C4orf50: variants seen among roughly 807,000 people sequenced by gnomAD.
C4orf50 encodes uncharacterized protein C4orf50.
In C4orf50, 80 loss-of-function variants were observed where a neutral mutation model predicts 77.2. The observed-to-expected ratio is 1.04, with a 90% CI of 0.87 to 1.25. The LOEUF is 1.25. Among genes scored for constraint, C4orf50 ranks in the 50% most tolerant of loss-of-function variants. The pLI, the probability that C4orf50 is intolerant of heterozygous loss-of-function variation, is 0.00. For synonymous variants in C4orf50, 532 were observed against 465.3 expected, an observed-to-expected ratio of 1.14 and a Z score of -1.84; for missense variants, 1,257 against 1,152.9, an observed-to-expected ratio of 1.09 and a Z score of -1.31.
chr4:5,931,183 G>A (rs975338257), intron 7 of C4orf50, among the ~76,000 whole-genome samples: 11 of 152,178 alleles, frequency 7.2e-5, no homozygotes, highest in African/African-American at 2.7e-4. Flanking sequence ...CCTGCAAAGA[G>A]TCCCTGCAGA....
intron 25 of C4orf50, among the ~76,000 whole-genome samples, chr4:6,001,103 C>G (rs7657266): frequency 1.3e-5 from 2 of 152,056 alleles, no homozygotes; most frequent in Admixed American, 6.5e-5. Context: ...TTTTCAAGGG[C>G]CATGGTTTTA....
At chr4:5,942,905 A>C (rs1718323970) in intron 7 of C4orf50, among the ~76,000 whole-genome samples, 1 of 152,202 alleles carries the variant, frequency 6.6e-6, no homozygotes, top group African/African-American at 2.4e-5. Context: ...GAAAATGAAC[A>C]TCTCTTACTG....
chr4:5,970,860 A>G lies in C4orf50; in HGVS notation c.4104+2799T>C, dbSNP rs1719868488. ...GTCCCCCGTGGAGCCTAGCAGCAGG[A>G]TGCTGGGAGGGTGGAGTAAGCAGAT... On this transcript the variant is annotated intron_variant, in intron 31 of 33. Transcript: ENST00000531445. The surrounding 1 kb of genome is among the most constrained non-coding windows in gnomAD (Gnocchi z 4.3). Among the ~76,000 whole-genome samples the G allele has an allele frequency of 2.6e-5, 4 of 152,254 alleles. No homozygotes were observed. The South Asian group carries it at 8.3e-4, about 32-fold the overall frequency.
Position 6,015,136 on chromosome 4 carries a change from C to G in C4orf50, c.287+3009G>C, listed in dbSNP as rs533328070. Among the ~76,000 whole-genome samples the G allele has an allele frequency of 6.6e-5, 10 of 152,350 alleles. No individual in the cohort carries two copies. The highest frequency in any genetic ancestry group is 1.9e-4 in the African/African-American group (8 of 41,578). On this transcript the variant is annotated intron_variant, in intron 23 of 33. Transcript: ENST00000531445. The surrounding 1 kb of genome is among the most constrained non-coding windows in gnomAD (Gnocchi z 4.4). ...CTTCCCCAACTCTCAGCACCCAGGA[C>G]TTCTGTTATGGGCTCAACACATCCC... is the stretch of plus-strand genomic sequence containing the variant.
At chr4:6,004,347 GA>G in intron 25 of C4orf50, among the ~76,000 whole-genome samples, 1 of 116,474 alleles carries the variant, frequency 8.6e-6, no homozygotes, top group African/African-American at 3.4e-5. Context: ...TGATGGTGAT[GA>G]TGACGGTGAT....
In C4orf50 at chr4:5,974,445, G is replaced by A. The variant is rs576844132; in HGVS notation, c.3922-604C>T. ...GGAATTATGACGATTTTTATTTTACGGGCGCCAACTCGAGGCTCAGACAGA... is the reference window on the plus strand; with the variant it reads ...GGAATTATGACGATTTTTATTTTACAGGCGCCAACTCGAGGCTCAGACAGA... On this transcript the variant is annotated intron_variant, in intron 30 of 33. Coordinates refer to ENST00000531445, the Ensembl canonical transcript of C4orf50. 8.1e-4 allele frequency among the ~76,000 whole-genome samples: 95 copies of A among 116,778 alleles called. No individual in the cohort carries two copies. The East Asian group carries it at 0.014, about 17-fold the overall frequency. The allele number at this position is 116,778 out of a possible 152,430, so 76.6% of individuals were successfully genotyped here.
rs991996105 is a variant in C4orf50, at chr4:6,007,522, A to T, written c.963+474T>A. On this transcript the variant is annotated intron_variant, in intron 25 of 33. Transcript: ENST00000531445. This position sits in a 1 kb window ranked among gnomAD's most constrained non-coding sequence, Gnocchi z 4.1. Reference sequence around the variant, plus strand: ...TGGACCTCCAGCCTCCAAAAGTGTGAAAAATAAGTTTCTGTTATTTATAAG... The same window carrying T: ...TGGACCTCCAGCCTCCAAAAGTGTGTAAAATAAGTTTCTGTTATTTATAAG... Among the ~76,000 whole-genome samples the T allele has an allele frequency of 2.6e-5, 4 of 152,162 alleles. No individual in the cohort carries two copies. The highest frequency in any genetic ancestry group is 5.9e-5 in the Non-Finnish European group (4 of 68,032).
intron 7 of C4orf50, among the ~76,000 whole-genome samples, chr4:5,911,007 G>A (rs1204479621): frequency 2.1e-5 from 3 of 143,964 alleles, no homozygotes; most frequent in South Asian, 2.2e-4. Flanking sequence ...CCGGGTTCAC[G>A]CCATTCTCCT....
chr4:5,990,890 A>G, intron 27 of C4orf50, 66 bp from the exon 6 acceptor site: 1 of 398,488 alleles, frequency 2.5e-6, no homozygotes. Flanking sequence ...CCCCACCTCC[A>G]CTCACCTCCT....
chr4:5,980,390 T>C, intron 28 of C4orf50, 52 bp from the exon 7 acceptor site: 1 of 1,552,850 alleles, frequency 6.4e-7, no homozygotes, highest in Non-Finnish European at 8.7e-7. Flanking sequence ...TTCAAGCAAT[T>C]TGCCTTAGCC....
At position 5,905,350 on chromosome 4, in the gene C4orf50, A is replaced by G. The variant is rs1048189202; in HGVS notation, c.*2475-7162T>C. The G allele has an allele frequency of 1.3e-5, 2 of 152,242 alleles. No homozygotes were observed. The highest frequency in any genetic ancestry group is 4.8e-5 in the African/African-American group (2 of 41,460). 9.4% of individuals were successfully genotyped at this position (152,242 alleles called of 1,614,324 possible). A position where few individuals can be genotyped will look rare whatever the true frequency, so the allele number is the denominator to read the frequency against. On this transcript the variant is annotated intron_variant, in intron 7 of 7. Coordinates refer to the C4orf50 transcript ENST00000324058. This position sits in a 1 kb window ranked among gnomAD's most constrained non-coding sequence, Gnocchi z 5.4. ...TTGGCTTATAATTTGGCTCACTGGA[A>G]AGGATTGTAAATCATAGGCCACCTC...
chr4:5,915,286 G>A (rs1041346277), intron 7 of C4orf50, among the ~76,000 whole-genome samples: 1 of 152,158 alleles, frequency 6.6e-6, no homozygotes, highest in Non-Finnish European at 1.5e-5. Context: ...ACGCTTTAAG[G>A]TTTGATCATA....
intron 33 of C4orf50, among the ~76,000 whole-genome samples, chr4:5,961,541 T>A (rs1160684676): frequency 6.6e-6 from 1 of 152,166 alleles, no homozygotes; most frequent in Non-Finnish European, 1.5e-5. Flanking sequence ...CATCCCATCA[T>A]ACAGATGAAG....
exon 28 of C4orf50, chr4:5,989,580 C>T (rs750538579): frequency 5.3e-5 from 81 of 1,535,992 alleles, no homozygotes; most frequent in Admixed American, 7.8e-5. Context: ...CCCTGCTGCC[C>T]GGCTGCAGGG....
intron 25 of C4orf50, among the ~76,000 whole-genome samples, chr4:5,998,739 G>C (rs1177720658): frequency 1.3e-5 from 2 of 152,260 alleles, no homozygotes; most frequent in African/African-American, 4.8e-5. Flanking sequence ...GTTTGCACCT[G>C]TGTCTGTCTC....
intron 7 of C4orf50, chr4:5,898,484 G>C (rs945464284): frequency 6.6e-6 from 1 of 152,242 alleles, no homozygotes; most frequent in East Asian, 1.9e-4. Context: ...GGTTAAGAGA[G>C]GTAGGTACCC....
chr4:5,931,551 AAC>A (rs998193108), intron 7 of C4orf50, among the ~76,000 whole-genome samples: 4 of 152,134 alleles, frequency 2.6e-5, no homozygotes, highest in African/African-American at 9.7e-5. Flanking sequence ...CTGAACTAGA[AAC>A]CTGCCCTCTG....
intron 25 of C4orf50, among the ~76,000 whole-genome samples, chr4:6,005,791 G>A (rs1172209035): frequency 6.6e-6 from 1 of 152,060 alleles, no homozygotes; most frequent in East Asian, 1.9e-4. Context: ...TCAAGAAATA[G>A]CAGGTAGCTA....
intron 7 of C4orf50, chr4:5,899,834 G>C (rs1716270520): frequency 6.6e-6 from 1 of 152,212 alleles, no homozygotes; most frequent in East Asian, 1.9e-4. Context: ...AGAGGCTTGG[G>C]CATCAGTGTT....
Sources: allele counts gnomAD v4.1 joint callset (sites outside exome capture counted in the v4.1 genomes callset), GRCh38; gene constraint gnomAD v4.1.1; non-coding constraint Gnocchi (gnomAD v3.1); transcripts MANE v1.5; gene names NCBI Gene and HGNC (gene_info 2026-07-23, HGNC 2026-07-21).